MAST2: variants seen among roughly 807,000 people sequenced by gnomAD.
MAST2 encodes microtubule-associated serine/threonine-protein kinase 2.
MAST2 carries 70 observed loss-of-function variants against 147.4 expected under a neutral mutation model. The observed-to-expected ratio is 0.47, with a 90% confidence interval of 0.39 to 0.58. MAST2 has a LOEUF of 0.58. Among genes scored for constraint, MAST2 ranks in the 20% least tolerant of loss-of-function variants. The probability of loss-of-function intolerance (pLI) is 0.00; values close to 1 mark genes in which losing one functional copy is unlikely to be tolerated. For missense variants in MAST2, 2,080 were observed against 2,302.3 expected (o/e 0.90, Z 1.98); for synonymous variants, 869 against 896.8 (o/e 0.97, Z 0.55).
At chr1:45,992,094 G>A (rs1046601812) in intron 5 of MAST2, among the ~76,000 whole-genome samples, 2 of 152,082 alleles carry the variant, frequency 1.3e-5, no homozygotes, top group African/African-American at 4.8e-5. Flanking sequence ...GTAGTGAGAG[G>A]CCATCCTTGC....
rs187811303 is a variant in MAST2, at chr1:45,991,562, C to T, written c.593-6162C>T. ...TCTTTGATTTCTTTCATCAGAGTTT[C>T]GTAATTTACAGTGTATAGATTTTCA... On this transcript the variant is annotated intron_variant, in intron 5 of 28. Coordinates refer to ENST00000361297, the MANE Select transcript of MAST2 (RefSeq NM_015112.3). Among the ~76,000 whole-genome samples the T allele has an allele frequency of 5.5e-4, 83 of 152,168 alleles. 1 individual carries two copies. The highest frequency in any genetic ancestry group is 1.9e-3 in the African/African-American group (79 of 41,518).
chr1:45,936,136 A>G (rs1656155111), intron 4 of MAST2, among the ~76,000 whole-genome samples: 1 of 152,034 alleles, frequency 6.6e-6, no homozygotes, highest in African/African-American at 2.4e-5. Context: ...ATTCTTAGGT[A>G]TTTTATTCGT....
intron 4 of MAST2, among the ~76,000 whole-genome samples, chr1:45,932,415 C>T (rs796618689): frequency 1.4e-4 from 21 of 152,286 alleles, no homozygotes; most frequent in African/African-American, 5.1e-4. Context: ...GGCGCTGTGG[C>T]TCACACCTGT....
At chr1:45,850,347 C>A (rs998762767) in intron 3 of MAST2, among the ~76,000 whole-genome samples, 1 of 152,070 alleles carries the variant, frequency 6.6e-6, no homozygotes, top group Non-Finnish European at 1.5e-5. Flanking sequence ...GATATTAGAC[C>A]TTTGTCAGAT....
At position 46,031,606 on chromosome 1, in the gene MAST2, G is replaced by C. The variant is rs766178927; in HGVS notation, c.3187+21G>C. On this transcript the variant is annotated intron_variant, in intron 24 of 28. Transcript: ENST00000361297. The surrounding 1 kb of genome is among the most constrained non-coding windows in gnomAD (Gnocchi z 4.1). Reference sequence around the variant, plus strand: ...TTCGGGTGAGGCCCCTGGGGAGCTGGGATAAAACTCACAGGAAGGGCCTTG... The same window carrying C: ...TTCGGGTGAGGCCCCTGGGGAGCTGCGATAAAACTCACAGGAAGGGCCTTG... 6.3e-7 allele frequency: 1 copy of C among 1,599,650 alleles called. No homozygotes were observed. The highest frequency in any genetic ancestry group is 1.7e-5 in the Admixed American group (1 of 59,330).
intron 7 of MAST2, 133 bp from the exon 8 acceptor site, chr1:46,006,108 G>C: frequency 1.2e-6 from 1 of 800,586 alleles, no homozygotes; most frequent in East Asian, 2.6e-5. Context: ...CAAGGCTAAG[G>C]GAGTAGGGGA....
At chr1:45,975,717 C>T (rs190642297) in intron 5 of MAST2, among the ~76,000 whole-genome samples, 151 of 150,234 alleles carry the variant, frequency 1.0e-3, no homozygotes, top group African/African-American at 3.6e-3. Context: ...AAGTACAGAT[C>T]GTTTGTTACT....
intron 4 of MAST2, among the ~76,000 whole-genome samples, chr1:45,885,159 TAA>T (rs1449734319): frequency 6.6e-6 from 1 of 152,180 alleles, no homozygotes. Context: ...GGAAAATTTT[TAA>T]AGTTTCTATA....
intron 6 of MAST2, 101 bp downstream of exon 6, chr1:45,997,900 A>G: frequency 1.0e-6 from 1 of 963,578 alleles, no homozygotes; most frequent in Non-Finnish European, 1.7e-6. Flanking sequence ...TACTCTTTCA[A>G]GTGTATTACC....
chr1:45,868,168 T>C (rs989370754), intron 3 of MAST2, among the ~76,000 whole-genome samples: 4 of 152,224 alleles, frequency 2.6e-5, no homozygotes, highest in Non-Finnish European at 5.9e-5. Flanking sequence ...TTTTTTGTGG[T>C]AAAAATTGGC....
chr1:45,828,425 A>G (rs113710855), intron 2 of MAST2, among the ~76,000 whole-genome samples: 1 of 152,210 alleles, frequency 6.6e-6, no homozygotes, highest in African/African-American at 2.4e-5. Flanking sequence ...GTCGAAGGAG[A>G]TGAGACCAGA....
In MAST2 at chr1:46,034,193, C is replaced by A; in HGVS notation, c.3795C>A (p.Pro1265=). 6.2e-7 allele frequency: 1 copy of A among 1,614,158 alleles called. No homozygotes were observed. Among genetic ancestry groups the A allele is most frequent in the Non-Finnish European group, 8.5e-7 (1 of 1,180,006 alleles). The change falls in exon 28 of 29, where the codon CCC becomes CCA. Residue 1265 remains proline (P), a synonymous_variant. Coordinates refer to ENST00000361297, the MANE Select transcript of MAST2 (RefSeq NM_015112.3). The part of the protein sequence containing the change: ...LSSGESGPGS[P]THSHSLSPRS... Reference sequence around the variant, plus strand: ...CAGGGGAGAGTGGGCCAGGCTCTCCCACACACAGCCACAGCCTTTCCCCCC... The same window carrying A: ...CAGGGGAGAGTGGGCCAGGCTCTCCAACACACAGCCACAGCCTTTCCCCCC...
At chr1:45,984,963 G>T (rs1158833671) in intron 5 of MAST2, among the ~76,000 whole-genome samples, 1 of 152,158 alleles carries the variant, frequency 6.6e-6, no homozygotes, top group Non-Finnish European at 1.5e-5. Context: ...AATATGTAAG[G>T]TATTTAATAT....
At chr1:45,960,028 C>A (rs1056503886) in intron 5 of MAST2, among the ~76,000 whole-genome samples, 5 of 152,122 alleles carry the variant, frequency 3.3e-5, no homozygotes, top group Non-Finnish European at 5.9e-5. Context: ...ACCTCATCCT[C>A]CAAAGTACTG....
intron 4 of MAST2, among the ~76,000 whole-genome samples, chr1:45,918,558 C>T (rs974083933): frequency 2.0e-5 from 3 of 152,164 alleles, no homozygotes; most frequent in African/African-American, 7.2e-5. Context: ...CTGCCTCAGC[C>T]TCCCGAGTAG....
chr1:45,878,152 A>G (rs1570496951), intron 3 of MAST2, among the ~76,000 whole-genome samples: 1 of 151,182 alleles, frequency 6.6e-6, no homozygotes, highest in Admixed American at 6.6e-5. Context: ...TGCAGTGAGC[A>G]GAGATCACGC....
intron 19 of MAST2, 108 bp downstream of exon 19, chr1:46,029,675 C>A: frequency 7.3e-7 from 1 of 1,365,534 alleles, no homozygotes; most frequent in Non-Finnish European, 1.0e-6. Flanking sequence ...CCCTCTGGAT[C>A]CTGAAACTCT....
At chr1:45,909,496 A>G (rs924981862) in intron 4 of MAST2, among the ~76,000 whole-genome samples, 2 of 150,906 alleles carry the variant, frequency 1.3e-5, no homozygotes, top group Admixed American at 1.3e-4. Flanking sequence ...GAACAATCAC[A>G]CCATCATTCT....
At chr1:46,028,355 T>C (rs776803797) in intron 17 of MAST2, among the ~76,000 whole-genome samples, 10 of 152,216 alleles carry the variant, frequency 6.6e-5, no homozygotes, top group South Asian at 2.1e-4. Context: ...TGAATTTCCA[T>C]TGGGCTGTGG....
Sources: allele counts gnomAD v4.1 joint callset (sites outside exome capture counted in the v4.1 genomes callset), GRCh38; gene constraint gnomAD v4.1.1; non-coding constraint Gnocchi (gnomAD v3.1); transcripts MANE v1.5; gene names NCBI Gene and HGNC (gene_info 2026-07-23, HGNC 2026-07-21).